The following RAP1GAP2 variants were observed in gnomAD, a reference collection of about 807,000 sequenced individuals.
RAP1GAP2 encodes the protein rap1 GTPase-activating protein 2.
Under a neutral mutation model 95.0 loss-of-function variants are expected in RAP1GAP2, and 27 were observed. That is an observed-to-expected ratio of 0.28 (90% CI 0.21 to 0.39). The LOEUF (loss-of-function observed/expected upper bound fraction) is 0.39. Among genes scored for constraint, RAP1GAP2 ranks in the 10% least tolerant of loss-of-function variants. The pLI, the probability that RAP1GAP2 is intolerant of heterozygous loss-of-function variation, is 1.00. For missense variants in RAP1GAP2, 771 were observed against 970.0 expected (o/e 0.79, Z 2.72); for synonymous variants, 373 against 380.9 (o/e 0.98, Z 0.24).
rs1002453495 is a variant in RAP1GAP2 at position 3,003,794 on chromosome 17, A to G, written c.1201-1575A>G. 2.6e-5 allele frequency among the ~76,000 whole-genome samples: 4 copies of G among 152,162 alleles called. No individual in the cohort carries two copies. Among genetic ancestry groups the G allele is most frequent in the Admixed American group, 1.3e-4 (2 of 15,280 alleles). On this transcript the variant is annotated intron_variant, in intron 14 of 24. Coordinates refer to ENST00000254695, the MANE Select transcript of RAP1GAP2 (RefSeq NM_015085.5). The surrounding 1 kb of genome is among the most constrained non-coding windows in gnomAD (Gnocchi z 4.1). ...CAGATGTCCCCAAGAGGGGGGAACA[A>G]CAAAGGCCTGGCCGCCTGGTTGGAA...
At chr17:2,912,830 G>A (rs1331003204) in intron 3 of RAP1GAP2, among the ~76,000 whole-genome samples, 1 of 152,194 alleles carries the variant, frequency 6.6e-6, no homozygotes, top group Non-Finnish European at 1.5e-5. Context: ...CAGGCATGAG[G>A]AAGGGCTTAT....
chr17:2,757,474 CT>C (rs769384916), intron 1 of RAP1GAP2, among the ~76,000 whole-genome samples: 1 of 152,114 alleles, frequency 6.6e-6, no homozygotes, highest in Non-Finnish European at 1.5e-5. Context: ...GTTAGTGTCC[CT>C]TTCCTCAAAA....
rs2047175870 is a variant in RAP1GAP2, at chr17:3,027,826, A to C, written c.2107+756A>C. On this transcript the variant is annotated intron_variant, in intron 22 of 24. Transcript: ENST00000254695. The surrounding 1 kb of genome is among the most constrained non-coding windows in gnomAD (Gnocchi z 5.2). Reference sequence around the variant, plus strand: ...AGGGGAGGGGAGCTGCGGCAGAAGCACCTCGGTTCAGGAGAGATCAAGGAG... The same window carrying C: ...AGGGGAGGGGAGCTGCGGCAGAAGCCCCTCGGTTCAGGAGAGATCAAGGAG... 1.3e-5 allele frequency among the ~76,000 whole-genome samples: 2 copies of C among 151,682 alleles called. No individual in the cohort carries two copies. The highest frequency in any genetic ancestry group is 4.8e-5 in the African/African-American group (2 of 41,248).
Position 2,830,487 on chromosome 17 carries a change from G to C in RAP1GAP2, c.80+29937G>C, listed in dbSNP as rs565413692. Among the ~76,000 whole-genome samples the C allele has an allele frequency of 2.0e-5, 3 of 152,056 alleles. No homozygotes were observed. The East Asian group carries it at 5.8e-4, about 29-fold the overall frequency. Reference sequence around the variant, plus strand: ...TCCCAGCACTTTGGGAGGCCGAGGCGGGCAGATCACGATGTCAAGAGATCG... The same window carrying C: ...TCCCAGCACTTTGGGAGGCCGAGGCCGGCAGATCACGATGTCAAGAGATCG... On this transcript the variant is annotated intron_variant, in intron 2 of 24. Coordinates refer to ENST00000254695, the MANE Select transcript of RAP1GAP2 (RefSeq NM_015085.5).
chr17:2,950,252 A>G (rs1248416408), intron 3 of RAP1GAP2, among the ~76,000 whole-genome samples: 2 of 151,940 alleles, frequency 1.3e-5, no homozygotes, highest in Non-Finnish European at 2.9e-5. Flanking sequence ...CAGTTTCACC[A>G]TGTTGGCCAG....
At chr17:2,818,498 AT>A (rs574815706) in intron 2 of RAP1GAP2, among the ~76,000 whole-genome samples, 1 of 149,016 alleles carries the variant, frequency 6.7e-6, no homozygotes, top group Admixed American at 6.7e-5. Flanking sequence ...TAATTTTTGT[AT>A]TTTTTTTTAG....
At chr17:2,880,198 G>C (rs868118402) in intron 2 of RAP1GAP2, among the ~76,000 whole-genome samples, 1 of 152,126 alleles carries the variant, frequency 6.6e-6, no homozygotes. Context: ...GAAGGCTTGG[G>C]GGGGATGGGA....
chr17:2,815,684 G>A (rs751450395), intron 2 of RAP1GAP2, among the ~76,000 whole-genome samples: 29 of 151,976 alleles, frequency 1.9e-4, no homozygotes, highest in Admixed American at 7.2e-4. Flanking sequence ...GTTTCACCAC[G>A]TTGACCAGGC....
In RAP1GAP2 at chr17:2,817,245, C is replaced by T. The variant is rs568389005; in HGVS notation, c.80+16695C>T. Among the ~76,000 whole-genome samples, 22 of 120,748 alleles carry T rather than the reference C, an allele frequency of 1.8e-4. 6 individuals are homozygous for T. Among genetic ancestry groups the T allele is most frequent in the African/African-American group, 4.7e-4 (17 of 36,528 alleles). The allele number at this position is 120,748 out of a possible 152,430, so 79.2% of individuals were successfully genotyped here. A position where few individuals can be genotyped will look rare whatever the true frequency, so the allele number is the denominator to read the frequency against. ...CTGACCTCAGGTGATCCGCCTGCCT[C>T]GGCCTCCTAAGGTGCTGGGATTACA... On this transcript the variant is annotated intron_variant, in intron 2 of 24. Transcript: ENST00000254695.
rs1285238327 is a variant in RAP1GAP2 at position 3,034,845 on chromosome 17, C to G, written c.*1484C>G. 1 of 152,296 alleles carries G rather than the reference C, an allele frequency of 6.6e-6. No individual in the cohort carries two copies. Among genetic ancestry groups the G allele is most frequent in the Non-Finnish European group, 1.5e-5 (1 of 68,112 alleles). The allele number at this position is 152,296 out of a possible 1,614,324, so 9.4% of individuals were successfully genotyped here. Reference sequence around the variant, plus strand: ...TCCAGGTACAACGAGCCTGAAGAGCCCCTTTCAGTGCAGACGGGGCTGCAG... The same window carrying G: ...TCCAGGTACAACGAGCCTGAAGAGCGCCTTTCAGTGCAGACGGGGCTGCAG... On this transcript the variant is annotated 3_prime_UTR_variant, in exon 25 of 25. Coordinates refer to ENST00000254695, the MANE Select transcript of RAP1GAP2 (RefSeq NM_015085.5). The surrounding 1 kb of genome is among the most constrained non-coding windows in gnomAD (Gnocchi z 5.1).
intron 8 of RAP1GAP2, among the ~76,000 whole-genome samples, chr17:2,978,423 T>C (rs1788971006): frequency 6.6e-6 from 1 of 152,066 alleles, no homozygotes. Context: ...AGGGAGCGTG[T>C]AGGGCGTGGG....
Position 2,870,973 on chromosome 17 carries a change from G to C in RAP1GAP2, c.81-34311G>C, listed in dbSNP as rs932082059. On this transcript the variant is annotated intron_variant, in intron 2 of 24. Coordinates refer to ENST00000254695, the MANE Select transcript of RAP1GAP2 (RefSeq NM_015085.5). This position sits in a 1 kb window ranked among gnomAD's most constrained non-coding sequence, Gnocchi z 4.4. Reference sequence around the variant, plus strand: ...ATTTTATTATTACTATTATTCTTTTGAGACAGAGTTTCACTCTTGTCACCC... The same window carrying C: ...ATTTTATTATTACTATTATTCTTTTCAGACAGAGTTTCACTCTTGTCACCC... Among the ~76,000 whole-genome samples the C allele has an allele frequency of 6.6e-6, 1 of 152,010 alleles. No individual in the cohort carries two copies. The highest frequency in any genetic ancestry group is 1.5e-5 in the Non-Finnish European group (1 of 67,994).
At chr17:2,763,812 G>A (rs1002326660) in intron 1 of RAP1GAP2, among the ~76,000 whole-genome samples, 7 of 152,216 alleles carry the variant, frequency 4.6e-5, no homozygotes, top group African/African-American at 1.7e-4. Flanking sequence ...GGTGAAGGCT[G>A]TGCAGGTGGC....
intron 2 of RAP1GAP2, among the ~76,000 whole-genome samples, chr17:2,858,471 C>A (rs557555769): frequency 2.0e-5 from 3 of 152,278 alleles, no homozygotes; most frequent in African/African-American, 7.2e-5. Context: ...TAACATAATA[C>A]CTACTTTCAG....
intron 3 of RAP1GAP2, among the ~76,000 whole-genome samples, chr17:2,913,273 C>G (rs2042453830): frequency 6.6e-6 from 1 of 151,710 alleles, no homozygotes; most frequent in Non-Finnish European, 1.5e-5. Flanking sequence ...GAGCATGTGC[C>G]TATTTTCCCT....
chr17:2,760,602 G>A (rs4790094), intron 1 of RAP1GAP2, among the ~76,000 whole-genome samples: 51,891 of 147,240 alleles, frequency 0.35, 10,547 homozygotes, highest in African/African-American at 0.52. Flanking sequence ...TGGCCTCCCA[G>A]AGTGCTGGGA....
intron 16 of RAP1GAP2, among the ~76,000 whole-genome samples, chr17:3,006,725 G>T (rs974417086): frequency 1.3e-5 from 2 of 152,154 alleles, no homozygotes; most frequent in African/African-American, 4.8e-5. Flanking sequence ...GAGCCACTGC[G>T]CCTGGCCCAA....
intron 2 of RAP1GAP2, among the ~76,000 whole-genome samples, chr17:2,872,138 C>T (rs2151641984): frequency 7.2e-6 from 1 of 139,104 alleles, no homozygotes; most frequent in African/African-American, 2.7e-5. Flanking sequence ...CGCTTGAACC[C>T]AGAAGGTGGA....
At chr17:2,869,896 G>C (rs766260980) in intron 2 of RAP1GAP2, among the ~76,000 whole-genome samples, 2 of 152,202 alleles carry the variant, frequency 1.3e-5, no homozygotes, top group Non-Finnish European at 2.9e-5. Flanking sequence ...AAGTGGCCCA[G>C]GTGGAACGTG....
Sources: allele counts gnomAD v4.1 joint callset (sites outside exome capture counted in the v4.1 genomes callset), GRCh38; gene constraint gnomAD v4.1.1; non-coding constraint Gnocchi (gnomAD v3.1); transcripts MANE v1.5; gene names NCBI Gene and HGNC (gene_info 2026-07-23, HGNC 2026-07-21).